Variants in STXBP5 observed in about 807,000 individuals in gnomAD.
STXBP5 encodes syntaxin-binding protein 5.
A neutral mutation model predicts 152.4 loss-of-function variants in STXBP5; 50 were observed. The ratio of observed to expected loss-of-function variants is 0.33; its 90% CI spans 0.26 to 0.42. The LOEUF is 0.42. Among genes scored for constraint, STXBP5 ranks in the 10% least tolerant of loss-of-function variants. The probability of loss-of-function intolerance (pLI) is 1.00; values close to 1 mark genes in which losing one functional copy is unlikely to be tolerated. For synonymous variants in STXBP5, 492 were observed against 494.7 expected (o/e 0.99, Z 0.07); for missense variants, 1,167 against 1,388.6 (o/e 0.84, Z 2.54).
intron 21 of STXBP5, 105 bp downstream of exon 21, chr6:147,339,489 T>C (rs1783993480): frequency 1.2e-6 from 1 of 834,232 alleles, no homozygotes; most frequent in Non-Finnish European, 1.7e-6. Context: ...AATTTGTTGT[T>C]CCTATGCTAA....
At chr6:147,220,107 T>A (rs1777385365) in intron 2 of STXBP5, among the ~76,000 whole-genome samples, 1 of 152,034 alleles carries the variant, frequency 6.6e-6, no homozygotes, top group Non-Finnish European at 1.5e-5. Context: ...ATTTAAAAAA[T>A]TCTCTCTTAA....
chr6:147,279,838 A>C (rs1473892002), intron 8 of STXBP5, among the ~76,000 whole-genome samples: 1 of 152,188 alleles, frequency 6.6e-6, no homozygotes, highest in African/African-American at 2.4e-5. Flanking sequence ...AGATAAACAA[A>C]AAAGTACCAA....
chr6:147,231,986 C>G (rs1778029500), intron 2 of STXBP5, among the ~76,000 whole-genome samples: 1 of 151,852 alleles, frequency 6.6e-6, no homozygotes, highest in African/African-American at 2.4e-5. Context: ...ACATTTAGTT[C>G]TAGCCAACAT....
intron 21 of STXBP5, among the ~76,000 whole-genome samples, chr6:147,345,492 A>G (rs773516239): frequency 7.9e-5 from 12 of 152,162 alleles, no homozygotes; most frequent in Non-Finnish European, 1.3e-4. Flanking sequence ...ATACATTCCA[A>G]CATTATCCCT....
At chr6:147,311,040 G>A (rs1234235183) in intron 10 of STXBP5, among the ~76,000 whole-genome samples, 2 of 152,010 alleles carry the variant, frequency 1.3e-5, no homozygotes, top group East Asian at 1.9e-4. Context: ...AATTCATTGA[G>A]GTGTAAAGAT....
intron 27 of STXBP5, among the ~76,000 whole-genome samples, chr6:147,383,762 G>T (rs887516374): frequency 6.6e-6 from 1 of 152,030 alleles, no homozygotes; most frequent in African/African-American, 2.4e-5. Flanking sequence ...CCAATCTGTA[G>T]TGGTAGCTCT....
At chr6:147,281,444 T>A (rs1780695977) in intron 8 of STXBP5, among the ~76,000 whole-genome samples, 1 of 152,236 alleles carries the variant, frequency 6.6e-6, no homozygotes, top group Non-Finnish European at 1.5e-5. Context: ...GAGATCACAT[T>A]TGTGGTACAT....
chr6:147,298,243 A>G (rs1781630489), intron 9 of STXBP5, among the ~76,000 whole-genome samples: 1 of 152,002 alleles, frequency 6.6e-6, no homozygotes, highest in African/African-American at 2.4e-5. Flanking sequence ...GTAAAAAATG[A>G]CCAAAAAAGT....
At chr6:147,376,147 CACAT>C (rs1319214592) in intron 26 of STXBP5, among the ~76,000 whole-genome samples, 1 of 152,148 alleles carries the variant, frequency 6.6e-6, no homozygotes, top group Non-Finnish European at 1.5e-5. Context: ...TGTGTGTACA[CACAT>C]ACACAGACAA....
At chr6:147,352,502 T>C (rs1364414858) in intron 21 of STXBP5, among the ~76,000 whole-genome samples, 1 of 152,056 alleles carries the variant, frequency 6.6e-6, no homozygotes, top group Non-Finnish European at 1.5e-5. Context: ...TCCCAACTAC[T>C]CAGGAGGCTG....
chr6:147,235,322 G>C lies in STXBP5; in HGVS notation c.321G>C (p.Leu107=), dbSNP rs775642055. The C allele has an allele frequency of 1.2e-6, 2 of 1,612,136 alleles. No homozygotes were observed. Among genetic ancestry groups the C allele is most frequent in the South Asian group, 2.2e-5 (2 of 90,844 alleles). ...CTGCAGTAATCCAGCTCCAGTTCCT[G>C]ATTAATGAGGTTAGTGAATTGTTTT... The part of the protein sequence containing the change: ...SGAAVIQLQF[L]INEGALVSAL... Residue 107 remains leucine, a synonymous_variant, in exon 3 of 28, where the codon CTG becomes CTC. Coordinates refer to ENST00000321680, the MANE Select transcript of STXBP5 (RefSeq NM_001127715.4).
chr6:147,230,704 A>G (rs982606714), intron 2 of STXBP5, among the ~76,000 whole-genome samples: 1 of 151,662 alleles, frequency 6.6e-6, no homozygotes, highest in South Asian at 2.1e-4. Flanking sequence ...CATGTATGCT[A>G]TAAGGGTTGG....
At position 147,388,806 on chromosome 6, in the gene STXBP5, A is replaced by G. The variant is rs1219499105; in HGVS notation, c.*4051A>G. ...CCTACCTTAACTATTGTTTTAAAAT[A>G]TAGATATATATATATATATTTAAAA... On this transcript the variant is annotated 3_prime_UTR_variant, in exon 28 of 28. Transcript: ENST00000321680. 1 of 149,572 alleles carries G rather than the reference A, an allele frequency of 6.7e-6. No homozygotes were observed. Among genetic ancestry groups the G allele is most frequent in the African/African-American group, 2.4e-5 (1 of 41,044 alleles). The allele number at this position is 149,572 out of a possible 1,614,324, so 9.3% of individuals were successfully genotyped here.
At chr6:147,239,768 T>C (rs1684857349) in intron 4 of STXBP5, among the ~76,000 whole-genome samples, 1 of 152,186 alleles carries the variant, frequency 6.6e-6, no homozygotes, top group Non-Finnish European at 1.5e-5. Context: ...TGATGTTATG[T>C]TACATATGTC....
intron 16 of STXBP5, among the ~76,000 whole-genome samples, chr6:147,319,416 A>G (rs1046482116): frequency 3.3e-5 from 5 of 152,226 alleles, no homozygotes; most frequent in Admixed American, 2.6e-4. Flanking sequence ...ATAGTAAAAT[A>G]TAACATGACA....
intron 9 of STXBP5, among the ~76,000 whole-genome samples, chr6:147,294,686 A>G (rs993648372): frequency 2.0e-5 from 3 of 152,128 alleles, no homozygotes; most frequent in Non-Finnish European, 4.4e-5. Flanking sequence ...TTTGATGTCA[A>G]AAAAAATTTT....
intron 4 of STXBP5, among the ~76,000 whole-genome samples, chr6:147,256,622 C>T (rs1399107422): frequency 3.3e-5 from 5 of 152,080 alleles, no homozygotes; most frequent in Admixed American, 2.0e-4. Flanking sequence ...TTCTTGGCTT[C>T]GAAAAGATAA....
chr6:147,259,791 T>TA (rs1422372486), intron 4 of STXBP5, among the ~76,000 whole-genome samples: 11 of 151,916 alleles, frequency 7.2e-5, no homozygotes, highest in African/African-American at 2.7e-4. Context: ...CTTTTTTTTT[T>TA]AACTAAAAAT....
chr6:147,214,200 A>T (rs1004757627), intron 2 of STXBP5, among the ~76,000 whole-genome samples: 2 of 152,218 alleles, frequency 1.3e-5, no homozygotes, highest in Non-Finnish European at 2.9e-5. Flanking sequence ...AGTAATAAAA[A>T]TAAGGACTTT....
Sources: gnomAD v4.1 joint callset for allele counts (sites outside exome capture counted in the v4.1 genomes callset) on GRCh38, gnomAD v4.1.1 for gene constraint, MANE v1.5 for transcripts, NCBI Gene and HGNC (gene_info 2026-07-23, HGNC 2026-07-21) for gene names.